The following C9orf153 variants were observed in gnomAD, a reference collection of about 807,000 sequenced individuals.
C9orf153 encodes the protein chromosome 9 open reading frame 153, also known as uncharacterized protein C9orf153.
C9orf153 carries 10 observed loss-of-function variants against 9.0 expected under a neutral mutation model. The observed-to-expected ratio is 1.11, with a 90% CI of 0.69 to 1.89. The LOEUF (loss-of-function observed/expected upper bound fraction) is 1.89. Among genes scored for constraint, C9orf153 ranks in the 40% most tolerant of loss-of-function variants. C9orf153 has a pLI of 0.00. For synonymous variants in C9orf153, 35 were observed against 37.3 expected (o/e 0.94, Z 0.23); for missense variants, 108 against 111.0 (o/e 0.97, Z 0.12).
intron 1 of C9orf153, among the ~76,000 whole-genome samples, chr9:86,247,984 G>A (rs1314102025): frequency 6.6e-6 from 1 of 152,170 alleles, no homozygotes; most frequent in Non-Finnish European, 1.5e-5. Flanking sequence ...TGGGACTCAC[G>A]GACTTTGGGT....
At chr9:86,235,851 A>G (rs984692716) in intron 1 of C9orf153, among the ~76,000 whole-genome samples, 4 of 151,932 alleles carry the variant, frequency 2.6e-5, no homozygotes, top group African/African-American at 9.7e-5. Context: ...GGTATAACAT[A>G]TGCATAATGA....
At chr9:86,239,202 G>A (rs562376579) in intron 1 of C9orf153, among the ~76,000 whole-genome samples, 47 of 151,666 alleles carry the variant, frequency 3.1e-4, no homozygotes, top group Non-Finnish European at 5.2e-4. Flanking sequence ...CGGAGGTTGC[G>A]GTAAGCTGAG....
At chr9:86,240,707 CT>C (rs367674249) in intron 1 of C9orf153, among the ~76,000 whole-genome samples, 30 of 117,026 alleles carry the variant, frequency 2.6e-4, no homozygotes, top group African/African-American at 7.2e-4. Flanking sequence ...TTTTCTTTTT[CT>C]TTTTTTTTTT....
In C9orf153 at chr9:86,229,534, A is replaced by T; in HGVS notation, c.66+4T>A. The T allele has an allele frequency of 6.3e-7, 1 of 1,584,444 alleles. No homozygotes were observed. The highest frequency in any genetic ancestry group is 8.7e-7 in the Non-Finnish European group (1 of 1,153,082). ...CACCTCGTTGTACAATGTTAAGTAC[A>T]TACTGAACATTGAGGAAGGGTGGCT... On this transcript the variant is annotated splice_donor_region_variant and intron_variant, in intron 2 of 3. Coordinates refer to ENST00000339137, the MANE Select transcript of C9orf153 (RefSeq NM_001276366.4).
chr9:86,254,334 G>A (rs151322681), intron 1 of C9orf153, among the ~76,000 whole-genome samples: 364 of 152,216 alleles, frequency 2.4e-3, no homozygotes, highest in African/African-American at 8.5e-3. Context: ...TTTCAGATTT[G>A]CATCTCATTT....
At chr9:86,228,437 G>A (rs1293395542) in intron 2 of C9orf153, among the ~76,000 whole-genome samples, 1 of 152,118 alleles carries the variant, frequency 6.6e-6, no homozygotes, top group Non-Finnish European at 1.5e-5. Context: ...AAGAAAGCGA[G>A]CCAGATCACT....
chr9:86,227,368 G>A (rs372229263), intron 3 of C9orf153: 13 of 1,532,908 alleles, frequency 8.5e-6, no homozygotes, highest in Non-Finnish European at 1.1e-5. Context: ...GTCTTTCTAT[G>A]TTTTCCAGGC....
chr9:86,225,511 T>A (rs1044376146), intron 3 of C9orf153, among the ~76,000 whole-genome samples: 6 of 151,728 alleles, frequency 4.0e-5, no homozygotes, highest in African/African-American at 1.2e-4. Context: ...CAGGCTGGAG[T>A]GTAGTGGCGC....
intron 1 of C9orf153, among the ~76,000 whole-genome samples, chr9:86,231,200 T>C (rs1824461020): frequency 6.6e-6 from 1 of 152,196 alleles, no homozygotes; most frequent in Admixed American, 6.5e-5. Context: ...GGAGAAGAAC[T>C]ACCTCCCAGC....
intron 1 of C9orf153, among the ~76,000 whole-genome samples, chr9:86,230,401 A>G (rs147462154): frequency 0.013 from 1,918 of 152,346 alleles, 28 homozygotes; most frequent in Middle Eastern, 0.031. Flanking sequence ...TCCCGGGTTC[A>G]AGCAATTCTC....
chr9:86,237,577 C>T (rs1205484570), intron 1 of C9orf153, among the ~76,000 whole-genome samples: 1 of 152,110 alleles, frequency 6.6e-6, no homozygotes, highest in East Asian at 1.9e-4. Context: ...GCCACTGTAC[C>T]TGGCCAGAAA....
At chr9:86,256,755 C>A (rs906821099) in intron 1 of C9orf153, among the ~76,000 whole-genome samples, 4 of 152,114 alleles carry the variant, frequency 2.6e-5, no homozygotes, top group African/African-American at 9.7e-5. Flanking sequence ...GTTTCCAGAC[C>A]AGCTGATAAA....
At chr9:86,245,903 T>G (rs1365421274) in intron 1 of C9orf153, among the ~76,000 whole-genome samples, 1 of 152,224 alleles carries the variant, frequency 6.6e-6, no homozygotes, top group Non-Finnish European at 1.5e-5. Context: ...CTCACATTCC[T>G]GCTTTCCCCT....
chr9:86,224,109 A>G (rs1824265806), intron 3 of C9orf153, among the ~76,000 whole-genome samples: 1 of 152,156 alleles, frequency 6.6e-6, no homozygotes. Flanking sequence ...AAAATGGGCC[A>G]GGACCAGTGG....
At chr9:86,257,595 T>G (rs987441470) in intron 1 of C9orf153, among the ~76,000 whole-genome samples, 15 of 152,202 alleles carry the variant, frequency 9.9e-5, no homozygotes, top group Admixed American at 6.5e-5. Context: ...TCTGGCTGTC[T>G]TCCCAGGGGA....
At chr9:86,236,497 C>T (rs575873267) in intron 1 of C9orf153, among the ~76,000 whole-genome samples, 8 of 144,842 alleles carry the variant, frequency 5.5e-5, no homozygotes, top group East Asian at 2.1e-4. Flanking sequence ...TGCAGTGAGC[C>T]GATATCACGC....
At chr9:86,256,790 C>T (rs935488564) in intron 1 of C9orf153, among the ~76,000 whole-genome samples, 1 of 152,132 alleles carries the variant, frequency 6.6e-6, no homozygotes, top group African/African-American at 2.4e-5. Context: ...ATGAGTTGCA[C>T]AATGTGACCC....
At chr9:86,227,824 T>C (rs2131175947) in intron 3 of C9orf153, 31 bp downstream of exon 3, 1 of 1,587,992 alleles carries the variant, frequency 6.3e-7, no homozygotes. Context: ...CAATCATGGA[T>C]GCTTGCTTCT....
chr9:86,233,919 C>T (rs1056986316), intron 1 of C9orf153, among the ~76,000 whole-genome samples: 2 of 152,036 alleles, frequency 1.3e-5, no homozygotes, highest in African/African-American at 4.8e-5. Context: ...CCCATCTTTA[C>T]TAAAAATACA....
Sources: allele counts gnomAD v4.1 joint callset (sites outside exome capture counted in the v4.1 genomes callset), GRCh38; gene constraint gnomAD v4.1.1; transcripts MANE v1.5; gene names NCBI Gene and HGNC (gene_info 2026-07-23, HGNC 2026-07-21).